The following AMHR2 variants were observed in gnomAD, a reference collection of about 807,000 sequenced individuals.
AMHR2 encodes the protein anti-Mullerian hormone receptor type 2.
AMHR2 carries 36 observed loss-of-function variants against 61.4 expected under a neutral mutation model. That is an observed-to-expected ratio of 0.59 (90% CI 0.45 to 0.77). AMHR2 has a LOEUF of 0.77. Ranked by LOEUF, AMHR2 falls within the 30% of genes least tolerant of loss-of-function variation. The probability of loss-of-function intolerance (pLI) is 0.00; values close to 1 mark genes in which losing one functional copy is unlikely to be tolerated. For missense variants in AMHR2, 638 were observed against 714.6 expected, an observed-to-expected ratio of 0.89 and a Z score of 1.22; for synonymous variants, 258 against 279.4, an observed-to-expected ratio of 0.92 and a Z score of 0.76.
rs116317145 is a variant in AMHR2 at position 53,425,768 on chromosome 12, C to T, written c.701C>T (p.Pro234Leu). 2.5e-5 allele frequency: 40 copies of T among 1,614,194 alleles called. No homozygotes were observed. In the East Asian group the frequency reaches 3.6e-4, roughly 14 times the overall value. ...GKLVAIKAFPPRSVAQFQAER... is the reference protein window; with the variant it reads ...GKLVAIKAFPLRSVAQFQAER... ...CTGGTTGCCATCAAGGCCTTCCCAC[C>T]GAGGTCTGTGGCTCAGTTCCAAGCT... Residue 234 changes from proline (P) to leucine (L), a missense_variant, in exon 6 of 11, where the codon CCG becomes CTG. Transcript: ENST00000257863.
chr12:53,429,110 G>A, intron 7 of AMHR2, 100 bp downstream of exon 7: 2 of 1,163,574 alleles, frequency 1.7e-6, no homozygotes, highest in Non-Finnish European at 2.5e-6. Flanking sequence ...GAGGGAGGAA[G>A]AGCCGGGCAC....
At position 53,428,969 on chromosome 12, in the gene AMHR2, C is replaced by T. The variant is rs1939861840; in HGVS notation, c.926C>T (p.Ala309Val). The change falls in exon 7 of 11, where the codon GCC (alanine) becomes GTC (valine). Residue 309 changes from alanine (A) to valine (V), a missense_variant. By Grantham distance (64) the Ala-to-Val change is moderately conservative. Transcript: ENST00000257863. The part of the protein sequence containing the change: ...GSSLRMALSL[A>V]QGLAFLHEER... ...TCCCTGCGGATGGCACTGTCCCTGG[C>T]CCAGGGCCTGGCATTTCTCCATGAG... 1 of 1,551,524 alleles carries T rather than the reference C, an allele frequency of 6.4e-7. No individual in the cohort carries two copies.
Position 53,428,990 on chromosome 12 carries a change from A to C in AMHR2, c.947A>C (p.His316Pro). The C allele has an allele frequency of 6.4e-7, 1 of 1,551,170 alleles. No homozygotes were observed. Among genetic ancestry groups the C allele is most frequent in the Non-Finnish European group, 8.7e-7 (1 of 1,146,886 alleles). The part of the protein sequence containing the change: ...LSLAQGLAFL[H>P]EERWQNGQYK... ...CTGGCCCAGGGCCTGGCATTTCTCC[A>C]TGAGGAGCGCTGGCAGAATGGTGGG... The change falls in exon 7 of 11, where the codon CAT (histidine) becomes CCT (proline). Residue 316 changes from histidine to proline, a missense_variant. Physicochemically the swap from His to Pro is moderately conservative, Grantham distance 77. Transcript: ENST00000257863.
rs776676122 is a variant in AMHR2 at position 53,429,657 on chromosome 12, G to A, written c.1140+32G>A. 2.9e-5 allele frequency: 46 copies of A among 1,611,502 alleles called. No individual in the cohort carries two copies. In the South Asian group the frequency reaches 4.7e-4, roughly 17 times the overall value. On this transcript the variant is annotated intron_variant, in intron 8 of 10. Transcript: ENST00000257863. Reference sequence around the variant, plus strand: ...TCTCTGGATAACTGGTGAGGCCCAGGATGATGTTGGTGCTGCTGATGGCAA... The same window carrying A: ...TCTCTGGATAACTGGTGAGGCCCAGAATGATGTTGGTGCTGCTGATGGCAA...
intron 6 of AMHR2, among the ~76,000 whole-genome samples, chr12:53,427,874 C>G (rs1239401117): frequency 6.6e-6 from 1 of 152,210 alleles, no homozygotes; most frequent in Non-Finnish European, 1.5e-5. Flanking sequence ...ACCCCTCCAT[C>G]AGGACTGTGT....
In AMHR2 at chr12:53,423,924, C is replaced by T. The variant is rs1939282654; in HGVS notation, c.-11C>T. On this transcript the variant is annotated 5_prime_UTR_variant, in exon 1 of 11. Coordinates refer to ENST00000257863, the MANE Select transcript of AMHR2 (RefSeq NM_020547.3). Reference sequence around the variant, plus strand: ...GCTCTTCTCCTTCTGCTGCTGCCATCCTCCAGCAAGATGCTAGGGTCTTTG... The same window carrying T: ...GCTCTTCTCCTTCTGCTGCTGCCATTCTCCAGCAAGATGCTAGGGTCTTTG... 1 of 1,614,112 alleles carries T rather than the reference C, an allele frequency of 6.2e-7. No individual in the cohort carries two copies. The highest frequency in any genetic ancestry group is 8.5e-7 in the Non-Finnish European group (1 of 1,179,978).
Position 53,430,965 on chromosome 12 carries a change from G to A in AMHR2, c.1426-212G>A, listed in dbSNP as rs1940051883. 3 of 621,800 alleles carry A rather than the reference G, an allele frequency of 4.8e-6. No individual in the cohort carries two copies. The East Asian group carries it at 8.3e-5, about 17-fold the overall frequency. The allele number at this position is 621,800 out of a possible 1,614,324, so 38.5% of individuals were successfully genotyped here. On this transcript the variant is annotated intron_variant, in intron 10 of 10. Coordinates refer to ENST00000257863, the MANE Select transcript of AMHR2 (RefSeq NM_020547.3). Reference sequence around the variant, plus strand: ...CTACATTAGCTCCTCAGAGGAAACAGTGGGCTATACAGAAGGCCCCCAGAG... The same window carrying A: ...CTACATTAGCTCCTCAGAGGAAACAATGGGCTATACAGAAGGCCCCCAGAG...
Position 53,425,695 on chromosome 12 carries a change from C to T in AMHR2, c.628C>T (p.Arg210Trp), listed in dbSNP as rs754059893. The T allele has an allele frequency of 3.7e-6, 6 of 1,613,980 alleles. No homozygotes were observed. Among genetic ancestry groups the T allele is most frequent in the South Asian group, 2.2e-5 (2 of 91,088 alleles). Residue 210 changes from arginine to tryptophan, a missense_variant, in exon 6 of 11, where the codon CGG (arginine) becomes TGG (tryptophan). By Grantham distance (101) the Arg-to-Trp change is moderately radical (BLOSUM62 -3). Coordinates refer to ENST00000257863, the MANE Select transcript of AMHR2 (RefSeq NM_020547.3). The stretch of plus-strand genomic sequence containing the variant: ...AGCACAGTGTCCCCAGCAGGTAATC[C>T]GGGAAGGAGGTCATGCAGTGGTTTG... Reference protein sequence around the residue: ...LPELCFSQVIREGGHAVVWAG... With the variant: ...LPELCFSQVIWEGGHAVVWAG...
rs1306241413 is a variant in AMHR2 at position 53,431,382 on chromosome 12, G to GT, written c.1632dup (p.Arg545Ter). On this transcript the variant is annotated frameshift_variant, in exon 11 of 11. Transcript: ENST00000257863. LOFTEE classifies it low-confidence loss of function (END_TRUNC). ...ATTCCTGCCCCTACCATCCTCCCCT[G>GT]TAGGCCTCAGCGGAGTGCCTGCCAC... 1.2e-6 allele frequency: 2 copies of GT among 1,614,212 alleles called. No individual in the cohort carries two copies. The highest frequency in any genetic ancestry group is 1.7e-6 in the Non-Finnish European group (2 of 1,180,036).
intron 6 of AMHR2, among the ~76,000 whole-genome samples, 167 bp from the exon 7 acceptor site, chr12:53,428,729 T>C (rs938408458): frequency 1.3e-5 from 2 of 152,200 alleles, no homozygotes; most frequent in Non-Finnish European, 2.9e-5. Flanking sequence ...TTCATGTCAA[T>C]TGATGCACAG....
At position 53,424,892 on chromosome 12, in the gene AMHR2, C is replaced by T. The variant is rs377707786; in HGVS notation, c.416C>T (p.Ala139Val). The T allele has an allele frequency of 7.0e-5, 113 of 1,611,424 alleles. No individual in the cohort carries two copies. The African/African-American group carries it at 1.3e-3, about 18-fold the overall frequency. Reference protein sequence around the residue: ...PGTPGSQGPQAAPGESIWMAL... With the variant: ...PGTPGSQGPQVAPGESIWMAL... Reference sequence around the variant, plus strand: ...ACTCCTGGCTCCCAGGGTCCCCAGGCTGCCCCAGGTAGCCACCCAAGGGTA... The same window carrying T: ...ACTCCTGGCTCCCAGGGTCCCCAGGTTGCCCCAGGTAGCCACCCAAGGGTA... The change falls in exon 3 of 11, where the codon GCT becomes GTT. Residue 139 changes from alanine to valine, a missense_variant. By Grantham distance (64) the Ala-to-Val change is moderately conservative (BLOSUM62 0). Coordinates refer to ENST00000257863, the MANE Select transcript of AMHR2 (RefSeq NM_020547.3).
chr12:53,425,738 GAAAACTGGT>G lies in AMHR2; in HGVS notation c.672_680del (p.Lys225_Val227del). 1 of 1,614,188 alleles carries G rather than the reference GAAAACTGGT, an allele frequency of 6.2e-7. No homozygotes were observed. Among genetic ancestry groups the G allele is most frequent in the Non-Finnish European group, 8.5e-7 (1 of 1,180,038 alleles). ...GTGGTTTGGGCCGGGCAGCTGCAAGGAAAACTGGTTGCCATCAAGGCCTTCCCACCGAGG... is the reference window on the plus strand; with the variant it reads ...GTGGTTTGGGCCGGGCAGCTGCAAGGTGCCATCAAGGCCTTCCCACCGAGG... On this transcript the variant is annotated inframe_deletion, in exon 6 of 11. Transcript: ENST00000257863.
chr12:53,424,938 G>T, intron 3 of AMHR2, 38 bp downstream of exon 3: 1 of 1,596,366 alleles, frequency 6.3e-7, no homozygotes, highest in Non-Finnish European at 8.5e-7. Flanking sequence ...ATGGGGGCTG[G>T]GGCCCAGGTT....
rs755002403 is a variant in AMHR2 at position 53,430,290 on chromosome 12, G to A, written c.1425+8G>A. 1.4e-5 allele frequency: 23 copies of A among 1,614,038 alleles called. No individual in the cohort carries two copies. The South Asian group carries it at 2.3e-4, about 16-fold the overall frequency. On this transcript the variant is annotated splice_region_variant and intron_variant, in intron 10 of 10. Coordinates refer to ENST00000257863, the MANE Select transcript of AMHR2 (RefSeq NM_020547.3). ...TGGCGCTGCTTTGCCACAGTAAGAG[G>A]CCTAGGCTGTTGGTCTGGGAACCTG...
chr12:53,429,131 G>A (rs920366372), intron 7 of AMHR2, 121 bp downstream of exon 7: 6 of 962,634 alleles, frequency 6.2e-6, no homozygotes, highest in East Asian at 2.6e-5. Context: ...GGTGGCTCAC[G>A]CCTATAATCC....
chr12:53,425,202 G>A lies in AMHR2; in HGVS notation c.462G>A (p.Leu154=). Residue 154 remains leucine (L), a synonymous_variant, in exon 4 of 11, where the codon CTG becomes CTA. Transcript: ENST00000257863. ...GGATGGCACTGGTGCTGCTGGGGCT[G>A]TTCCTCCTCCTCCTGCTGCTGCTGG... ...SIWMALVLLG[L]FLLLLLLLGS... 1 of 1,613,936 alleles carries A rather than the reference G, an allele frequency of 6.2e-7. No individual in the cohort carries two copies. The highest frequency in any genetic ancestry group is 8.5e-7 in the Non-Finnish European group (1 of 1,180,024).
rs200284824 is a variant in AMHR2, at chr12:53,429,989, G to A, written c.1288+11G>A. 5.2e-4 allele frequency: 838 copies of A among 1,614,082 alleles called. No individual in the cohort carries two copies. The highest frequency in any genetic ancestry group is 6.5e-4 in the Non-Finnish European group (766 of 1,180,042). On this transcript the variant is annotated intron_variant, in intron 9 of 10. Transcript: ENST00000257863. ...CAGATTTGAGGCCTGGTAAGGATGG[G>A]TGGTACAGTCCCCTCTCCTGGGCTC...
intron 1 of AMHR2, 147 bp downstream of exon 1, chr12:53,424,130 G>A: frequency 7.6e-7 from 1 of 1,316,296 alleles, no homozygotes; most frequent in Non-Finnish European, 1.1e-6. Flanking sequence ...CCATGGCAGG[G>A]CTCAGGTTCC....
chr12:53,424,076 G>A (rs1028141392), intron 1 of AMHR2, 93 bp downstream of exon 1: 1 of 1,496,224 alleles, frequency 6.7e-7, no homozygotes, highest in African/African-American at 1.4e-5. Context: ...GAAGAGTGGT[G>A]AGTGGGCTGG....
Sources: allele counts gnomAD v4.1 joint callset (sites outside exome capture counted in the v4.1 genomes callset), GRCh38; gene constraint gnomAD v4.1.1; transcripts MANE v1.5; gene names NCBI Gene and HGNC (gene_info 2026-07-23, HGNC 2026-07-21).